The following UVRAG variants were observed in gnomAD, a reference collection of about 807,000 sequenced individuals.
UVRAG encodes the protein UV radiation resistance associated, also known as UV radiation resistance-associated gene protein.
Under a neutral mutation model 78.0 loss-of-function variants are expected in UVRAG, and 19 were observed. The ratio of observed to expected loss-of-function variants is 0.24; its 90% CI spans 0.17 to 0.36. UVRAG has a LOEUF of 0.36. Ranked by LOEUF, UVRAG falls within the 10% of genes least tolerant of loss-of-function variation. The probability of loss-of-function intolerance (pLI) is 1.00; values close to 1 mark genes in which losing one functional copy is unlikely to be tolerated. For missense variants in UVRAG, 740 were observed against 853.8 expected (o/e 0.87, Z 1.66); for synonymous variants, 323 against 324.6 (o/e 1.00, Z 0.05).
At chr11:76,133,672 G>A (rs891309632) in intron 14 of UVRAG, among the ~76,000 whole-genome samples, 1 of 152,138 alleles carries the variant, frequency 6.6e-6, no homozygotes, top group Non-Finnish European at 1.5e-5. Context: ...TCTTCCTGAA[G>A]CTAAATTCAT....
At chr11:76,130,405 C>T (rs763219730) in intron 14 of UVRAG, among the ~76,000 whole-genome samples, 3 of 152,126 alleles carry the variant, frequency 2.0e-5, no homozygotes, top group Non-Finnish European at 2.9e-5. Context: ...CAGAGTCTAG[C>T]GCAGCTAGAT....
chr11:76,082,075 AG>A (rs1951505377), intron 13 of UVRAG, among the ~76,000 whole-genome samples: 1 of 152,222 alleles, frequency 6.6e-6, no homozygotes, highest in African/African-American at 2.4e-5. Context: ...GGAAGTGAGA[AG>A]GGGTTATAAT....
chr11:76,005,142 GAC>G (rs1352034767), intron 9 of UVRAG, among the ~76,000 whole-genome samples: 17 of 152,128 alleles, frequency 1.1e-4, no homozygotes, highest in African/African-American at 3.4e-4. Flanking sequence ...AGGAGATCAA[GAC>G]CATCCTGGCT....
At chr11:75,898,855 A>G (rs1947416154) in intron 5 of UVRAG, among the ~76,000 whole-genome samples, 1 of 152,160 alleles carries the variant, frequency 6.6e-6, no homozygotes, top group Non-Finnish European at 1.5e-5. Context: ...GAGAAATTAA[A>G]TAGGTGGTTA....
chr11:75,998,643 G>A (rs1370087908), intron 8 of UVRAG, among the ~76,000 whole-genome samples: 3 of 152,198 alleles, frequency 2.0e-5, no homozygotes, highest in Non-Finnish European at 4.4e-5. Context: ...TAGGATGTGA[G>A]CACTGATTAC....
At chr11:75,881,383 C>T (rs575893504) in intron 4 of UVRAG, among the ~76,000 whole-genome samples, 1 of 152,236 alleles carries the variant, frequency 6.6e-6, no homozygotes, top group South Asian at 2.1e-4. Context: ...CAGGAAGACT[C>T]GAAGCAGGGA....
intron 2 of UVRAG, among the ~76,000 whole-genome samples, 195 bp downstream of exon 2, chr11:75,852,195 G>C (rs2134745745): frequency 6.6e-6 from 1 of 152,264 alleles, no homozygotes; most frequent in South Asian, 2.1e-4. Context: ...TCAGATAACT[G>C]AGCCTTACAT....
In UVRAG at chr11:75,912,003, G is replaced by A; in HGVS notation, c.557G>A (p.Cys186Tyr). 6.2e-7 allele frequency: 1 copy of A among 1,613,516 alleles called. No individual in the cohort carries two copies. Among genetic ancestry groups the A allele is most frequent in the Non-Finnish European group, 8.5e-7 (1 of 1,179,690 alleles). The change falls in exon 6 of 15, where the codon TGT becomes TAT. Residue 186 changes from cysteine (C) to tyrosine (Y), a missense_variant. Cys to Tyr is a radical substitution (Grantham distance 194, BLOSUM62 -2). Coordinates refer to ENST00000356136, the MANE Select transcript of UVRAG (RefSeq NM_003369.4). Reference sequence around the variant, plus strand: ...ATTCTTCTGCAGGTGGATCAGAACTGTGTTCGCAATTCTTACGATGTCTTC... The same window carrying A: ...ATTCTTCTGCAGGTGGATCAGAACTATGTTCGCAATTCTTACGATGTCTTC... Reference protein sequence around the residue: ...KTILLQVDQNCVRNSYDVFSL... With the variant: ...KTILLQVDQNYVRNSYDVFSL...
intron 6 of UVRAG, among the ~76,000 whole-genome samples, chr11:75,960,321 T>C (rs569805072): frequency 3.9e-5 from 6 of 152,178 alleles, no homozygotes; most frequent in African/African-American, 1.4e-4. Context: ...ATATTGACCT[T>C]ATATCCCATG....
At chr11:76,063,298 A>G (rs1010262367) in intron 12 of UVRAG, among the ~76,000 whole-genome samples, 2 of 152,196 alleles carry the variant, frequency 1.3e-5, no homozygotes, top group Admixed American at 1.3e-4. Flanking sequence ...GGAAAAAGAA[A>G]GGGTTGCAAA....
chr11:76,015,050 G>C (rs1950121627), intron 11 of UVRAG, among the ~76,000 whole-genome samples: 1 of 152,284 alleles, frequency 6.6e-6, no homozygotes, highest in Middle Eastern at 3.4e-3. Flanking sequence ...TTAGAGAACA[G>C]ACATTCCTTG....
intron 14 of UVRAG, among the ~76,000 whole-genome samples, chr11:76,133,958 CTTT>C (rs146371592): frequency 7.5e-6 from 1 of 132,884 alleles, no homozygotes. Flanking sequence ...TTTTTCTTTT[CTTT>C]TTTTTTTTTT....
chr11:75,918,405 AT>A (rs1947907247), intron 6 of UVRAG, among the ~76,000 whole-genome samples: 2 of 151,614 alleles, frequency 1.3e-5, no homozygotes, highest in South Asian at 2.1e-4. Flanking sequence ...AGATACATGA[AT>A]TTTCTTACTC....
At chr11:75,951,750 T>C (rs1050556020) in intron 6 of UVRAG, among the ~76,000 whole-genome samples, 4 of 152,228 alleles carry the variant, frequency 2.6e-5, no homozygotes, top group Non-Finnish European at 5.9e-5. Flanking sequence ...TACTGTAGCT[T>C]TATGATAGGT....
rs1368216978 is a variant in UVRAG at position 76,142,697 on chromosome 11, T to C, written c.*1284T>C. On this transcript the variant is annotated 3_prime_UTR_variant, in exon 15 of 15. Transcript: ENST00000356136. ...CCAGCTTGGAAATTCCTCTTGAACC[T>C]ACGTCTCCATATGTCACATCATGAC... 6.6e-6 allele frequency: 1 copy of C among 152,264 alleles called. No individual in the cohort carries two copies. Among genetic ancestry groups the C allele is most frequent in the African/African-American group, 2.4e-5 (1 of 41,462 alleles). 9.4% of individuals were successfully genotyped at this position (152,264 alleles called of 1,614,324 possible).
At chr11:76,119,535 C>T (rs988499644) in intron 14 of UVRAG, among the ~76,000 whole-genome samples, 4 of 152,178 alleles carry the variant, frequency 2.6e-5, no homozygotes, top group African/African-American at 7.2e-5. Context: ...ACAGCTAAAA[C>T]CCTCCTTCCA....
intron 14 of UVRAG, among the ~76,000 whole-genome samples, chr11:76,135,755 C>T (rs1441354418): frequency 6.6e-6 from 1 of 152,170 alleles, no homozygotes; most frequent in East Asian, 1.9e-4. Context: ...AACTGGTAGA[C>T]TCGGTCCAGT....
chr11:76,135,643 C>T (rs1050083932), intron 14 of UVRAG, among the ~76,000 whole-genome samples: 2 of 152,168 alleles, frequency 1.3e-5, no homozygotes, highest in Non-Finnish European at 2.9e-5. Flanking sequence ...CTTTTAATTG[C>T]AGCATTAAAC....
chr11:75,815,263 G>GGCGGCA lies in UVRAG; in HGVS notation c.-140_-139insAGCGGC. Reference sequence around the variant, plus strand: ...CGGCAACGGCGGCAGCGGCGGCAGCGGCGGCGGCTACTGTCTGGGCTGAGC... The same window carrying GGCGGCA: ...CGGCAACGGCGGCAGCGGCGGCAGCGGCGGCAGCGGCGGCTACTGTCTGGGCTGAGC... On this transcript the variant is annotated 5_prime_UTR_variant, in exon 1 of 15. Transcript: ENST00000356136. 2.1e-6 allele frequency: 1 copy of GGCGGCA among 471,010 alleles called. No homozygotes were observed. The highest frequency in any genetic ancestry group is 3.6e-6 in the Non-Finnish European group (1 of 279,606). 29.2% of individuals were successfully genotyped at this position (471,010 alleles called of 1,614,324 possible).
Sources: gnomAD v4.1 joint callset for allele counts (sites outside exome capture counted in the v4.1 genomes callset) on GRCh38, gnomAD v4.1.1 for gene constraint, MANE v1.5 for transcripts, NCBI Gene and HGNC (gene_info 2026-07-23, HGNC 2026-07-21) for gene names.